CA12: variants seen among roughly 807,000 people sequenced by gnomAD.
CA12 encodes the protein carbonate dehydratase XII.
A neutral mutation model predicts 46.8 loss-of-function variants in CA12; 36 were observed. That is an observed-to-expected ratio of 0.77 (90% CI 0.59 to 1.02). The LOEUF is 1.02. Ranked by LOEUF, CA12 falls within the 50% of genes least tolerant of loss-of-function variation. CA12 has a pLI of 0.00. For missense variants in CA12, 436 were observed against 451.4 expected (o/e 0.97, Z 0.31); for synonymous variants, 202 against 187.0 (o/e 1.08, Z -0.65).
In CA12 at chr15:63,348,023, A is replaced by G. The variant is rs2039176060; in HGVS notation, c.107-1314T>C. On this transcript the variant is annotated intron_variant, in intron 2 of 10. Coordinates refer to ENST00000178638, the MANE Select transcript of CA12 (RefSeq NM_001218.5). The surrounding 1 kb of genome is among the most constrained non-coding windows in gnomAD (Gnocchi z 4.6). Reference sequence around the variant, plus strand: ...CTCTCTAACTAGGGGACCGTATCTGAGAGTGGGAAGAATCCGAAGTGATAC... The same window carrying G: ...CTCTCTAACTAGGGGACCGTATCTGGGAGTGGGAAGAATCCGAAGTGATAC... Among the ~76,000 whole-genome samples the G allele has an allele frequency of 6.6e-6, 1 of 152,220 alleles. No individual in the cohort carries two copies. Among genetic ancestry groups the G allele is most frequent in the African/African-American group, 2.4e-5 (1 of 41,454 alleles).
At position 63,341,186 on chromosome 15, in the gene CA12, A is replaced by G. The variant is rs575965882; in HGVS notation, c.526-403T>C. ...ACATACAGCCTCATTAGGAAAAAAA[A>G]ACATGCAAGCCAATCAGAAGACATT... On this transcript the variant is annotated intron_variant, in intron 5 of 10. Coordinates refer to ENST00000178638, the MANE Select transcript of CA12 (RefSeq NM_001218.5). This position sits in a 1 kb window ranked among gnomAD's most constrained non-coding sequence, Gnocchi z 5.2. Among the ~76,000 whole-genome samples the G allele has an allele frequency of 1.3e-5, 2 of 152,320 alleles. No homozygotes were observed. Among genetic ancestry groups the G allele is most frequent in the Non-Finnish European group, 2.9e-5 (2 of 68,028 alleles).
intron 2 of CA12, among the ~76,000 whole-genome samples, chr15:63,356,712 G>C (rs1164512292): frequency 6.6e-6 from 1 of 152,096 alleles, no homozygotes; most frequent in African/African-American, 2.4e-5. Flanking sequence ...TAATAGAAAT[G>C]GGGTTTCACC....
intron 2 of CA12, among the ~76,000 whole-genome samples, chr15:63,347,576 G>A (rs1304686760): frequency 6.6e-6 from 1 of 152,186 alleles, no homozygotes; most frequent in Non-Finnish European, 1.5e-5. Context: ...CAAGCTTCTT[G>A]CTAACTACCA....
Position 63,372,107 on chromosome 15 carries a change from C to T in CA12, c.106+3551G>A, listed in dbSNP as rs1467235270. ...CCTGCCTCCTTCCGGTCATCTTCAT[C>T]CCCCACAGGGCACATATTCTGATAC... On this transcript the variant is annotated intron_variant, in intron 2 of 10. Coordinates refer to ENST00000178638, the MANE Select transcript of CA12 (RefSeq NM_001218.5). The surrounding 1 kb of genome is among the most constrained non-coding windows in gnomAD (Gnocchi z 4.5). 6.6e-6 allele frequency among the ~76,000 whole-genome samples: 1 copy of T among 152,204 alleles called. No individual in the cohort carries two copies. Among genetic ancestry groups the T allele is most frequent in the Non-Finnish European group, 1.5e-5 (1 of 68,038 alleles).
In CA12 at chr15:63,355,486, G is replaced by T. The variant is rs1015800616; in HGVS notation, c.107-8777C>A. On this transcript the variant is annotated intron_variant, in intron 2 of 10. Coordinates refer to ENST00000178638, the MANE Select transcript of CA12 (RefSeq NM_001218.5). This position sits in a 1 kb window ranked among gnomAD's most constrained non-coding sequence, Gnocchi z 4.1. ...CAGGCCTACCGAACCGGACACTCTG[G>T]GGGTGGCGCCCAGCATCTGCCGTTG... Among the ~76,000 whole-genome samples, 2 of 152,202 alleles carry T rather than the reference G, an allele frequency of 1.3e-5. No individual in the cohort carries two copies. The highest frequency in any genetic ancestry group is 2.9e-5 in the Non-Finnish European group (2 of 68,032).
chr15:63,336,863 G>A (rs776536469), intron 8 of CA12, among the ~76,000 whole-genome samples: 2 of 152,138 alleles, frequency 1.3e-5, no homozygotes, highest in Non-Finnish European at 2.9e-5. Flanking sequence ...GAACAGAGCC[G>A]GCAATGGGGT....
rs541081976 is a variant in CA12 at position 63,346,499 on chromosome 15, A to G, written c.286+31T>C. ...TGGCAGCTGAGGGAGACTCAGACATACCCCTCAGGTCTCCAAGGCCTCTCC... is the reference window on the plus strand; with the variant it reads ...TGGCAGCTGAGGGAGACTCAGACATGCCCCTCAGGTCTCCAAGGCCTCTCC... On this transcript the variant is annotated intron_variant, in intron 3 of 10. Transcript: ENST00000178638. The G allele has an allele frequency of 1.8e-3, 2,940 of 1,601,550 alleles. 47 individuals carry two copies. In the South Asian group the frequency reaches 0.022, roughly 12 times the overall value.
In CA12 at chr15:63,328,585, T is replaced by C. The variant is rs1455027873; in HGVS notation, c.875-455A>G. Among the ~76,000 whole-genome samples the C allele has an allele frequency of 6.6e-6, 1 of 152,060 alleles. No homozygotes were observed. Among genetic ancestry groups the C allele is most frequent in the South Asian group, 2.1e-4 (1 of 4,824 alleles). On this transcript the variant is annotated intron_variant, in intron 8 of 10. Coordinates refer to ENST00000178638, the MANE Select transcript of CA12 (RefSeq NM_001218.5). The surrounding 1 kb of genome is among the most constrained non-coding windows in gnomAD (Gnocchi z 5.9). ...TCCTGACCTCATTATCCACCTGCCTTGGCCTTCCAAAGTGTTGGGATTATA... is the reference window on the plus strand; with the variant it reads ...TCCTGACCTCATTATCCACCTGCCTCGGCCTTCCAAAGTGTTGGGATTATA...
chr15:63,365,572 T>C (rs2039426619), intron 2 of CA12, among the ~76,000 whole-genome samples: 1 of 152,236 alleles, frequency 6.6e-6, no homozygotes, highest in South Asian at 2.1e-4. Flanking sequence ...GGGCACCTAT[T>C]TGAATACTTT....
chr15:63,349,908 C>T (rs1178397482), intron 2 of CA12, among the ~76,000 whole-genome samples: 1 of 152,164 alleles, frequency 6.6e-6, no homozygotes, highest in East Asian at 1.9e-4. Context: ...GGAACGTGCA[C>T]CCACCTTAAT....
chr15:63,356,455 T>C (rs1300710829), intron 2 of CA12, among the ~76,000 whole-genome samples: 1 of 152,224 alleles, frequency 6.6e-6, no homozygotes, highest in African/African-American at 2.4e-5. Flanking sequence ...CATTTATTGT[T>C]GGTGGGAACA....
Position 63,327,663 on chromosome 15 carries a change from T to G in CA12, c.908-430A>C, listed in dbSNP as rs1177322942. ...CTGGGCTACACAAATAAGAACTTAC[T>G]CTGTCTTTGCCTGCTGGATTTAAGG... On this transcript the variant is annotated intron_variant, in intron 9 of 10. Coordinates refer to ENST00000178638, the MANE Select transcript of CA12 (RefSeq NM_001218.5). The surrounding 1 kb of genome is among the most constrained non-coding windows in gnomAD (Gnocchi z 4.5). 6.6e-6 allele frequency among the ~76,000 whole-genome samples: 1 copy of G among 152,166 alleles called. No individual in the cohort carries two copies. The highest frequency in any genetic ancestry group is 1.5e-5 in the Non-Finnish European group (1 of 68,044).
chr15:63,375,780 C>G, intron 1 of CA12, 102 bp from the exon 2 acceptor site: 1 of 745,468 alleles, frequency 1.3e-6, no homozygotes, highest in African/African-American at 1.8e-5. Flanking sequence ...AAAAGGAGGT[C>G]GATGCCCAGA....
rs779573302 is a variant in CA12 at position 63,338,896 on chromosome 15, G to A, written c.797C>T (p.Ser266Phe). Reference sequence around the variant, plus strand: ...GAAGTTGTTGATCATTTCTCTGGGGGAAGGGTCGTCCATGTGTGTGCAGTA... The same window carrying A: ...GAAGTTGTTGATCATTTCTCTGGGGAAAGGGTCGTCCATGTGTGTGCAGTA... ...ALYCTHMDDP[S>F]PREMINNFRQ... Residue 266 changes from serine (S) to phenylalanine (F), a missense_variant, in exon 8 of 11, where the codon TCC (serine) becomes TTC (phenylalanine). Coordinates refer to ENST00000178638, the MANE Select transcript of CA12 (RefSeq NM_001218.5). 3.7e-6 allele frequency: 6 copies of A among 1,614,170 alleles called. No individual in the cohort carries two copies. In the South Asian group the frequency reaches 4.4e-5, roughly 12 times the overall value.
In CA12 at chr15:63,331,197, G is replaced by A. The variant is rs866687206; in HGVS notation, c.875-3067C>T. Among the ~76,000 whole-genome samples, 1 of 152,160 alleles carries A rather than the reference G, an allele frequency of 6.6e-6. No homozygotes were observed. Among genetic ancestry groups the A allele is most frequent in the Non-Finnish European group, 1.5e-5 (1 of 68,030 alleles). Reference sequence around the variant, plus strand: ...GATGCCAAAACATCTGTTATCTGATGGGAGAGAGAAAGTCAGCGAGACTTT... The same window carrying A: ...GATGCCAAAACATCTGTTATCTGATAGGAGAGAGAAAGTCAGCGAGACTTT... On this transcript the variant is annotated intron_variant, in intron 8 of 10. Coordinates refer to ENST00000178638, the MANE Select transcript of CA12 (RefSeq NM_001218.5). The surrounding 1 kb of genome is among the most constrained non-coding windows in gnomAD (Gnocchi z 5.3).
Position 63,373,230 on chromosome 15 carries a change from T to C in CA12, c.106+2428A>G, listed in dbSNP as rs1247677811. On this transcript the variant is annotated intron_variant, in intron 2 of 10. Transcript: ENST00000178638. The surrounding 1 kb of genome is among the most constrained non-coding windows in gnomAD (Gnocchi z 4.9). ...AAATACAGAAATTAGCCGGGCGTGA[T>C]GGCACACCCCTGTAATCCCAGCTAC... is the stretch of plus-strand genomic sequence containing the variant. Among the ~76,000 whole-genome samples the C allele has an allele frequency of 6.6e-6, 1 of 152,024 alleles. No homozygotes were observed. The highest frequency in any genetic ancestry group is 2.4e-5 in the African/African-American group (1 of 41,374).
At chr15:63,346,087 G>A (rs556102730) in intron 3 of CA12, among the ~76,000 whole-genome samples, 34 of 152,294 alleles carry the variant, frequency 2.2e-4, no homozygotes, top group African/African-American at 6.0e-4. Flanking sequence ...TCCATTTCCA[G>A]ATGGAAGCTC....
intron 8 of CA12, among the ~76,000 whole-genome samples, chr15:63,338,352 A>G (rs983190284): frequency 6.6e-6 from 1 of 152,216 alleles, no homozygotes; most frequent in African/African-American, 2.4e-5. Flanking sequence ...TACATCTAAC[A>G]TAGGAACATT....
At chr15:63,380,934 A>T (rs1303339023) in intron 1 of CA12, among the ~76,000 whole-genome samples, 1 of 151,132 alleles carries the variant, frequency 6.6e-6, no homozygotes, top group Non-Finnish European at 1.5e-5. Context: ...TCCTCCTGTC[A>T]CTCCACGGAG....
Sources: allele counts gnomAD v4.1 joint callset (sites outside exome capture counted in the v4.1 genomes callset), GRCh38; gene constraint gnomAD v4.1.1; non-coding constraint Gnocchi (gnomAD v3.1); transcripts MANE v1.5; gene names NCBI Gene and HGNC (gene_info 2026-07-23, HGNC 2026-07-21).